RALGPS1: variants seen among roughly 807,000 people sequenced by gnomAD.
RALGPS1 encodes the protein Ral GEF with PH domain and SH3 binding motif 1.
RALGPS1 carries 19 observed loss-of-function variants against 78.8 expected under a neutral mutation model. That is an observed-to-expected ratio of 0.24 (90% confidence interval 0.17 to 0.35). RALGPS1 has a LOEUF of 0.35. Among genes scored for constraint, RALGPS1 ranks in the 10% least tolerant of loss-of-function variants. The probability of loss-of-function intolerance (pLI) is 1.00; values close to 1 mark genes in which losing one functional copy is unlikely to be tolerated. For synonymous variants in RALGPS1, 228 were observed against 256.3 expected (o/e 0.89, Z 1.06); for missense variants, 454 against 688.3 (o/e 0.66, Z 3.81).
intron 14 of RALGPS1, among the ~76,000 whole-genome samples, chr9:127,203,039 A>G (rs902420689): frequency 6.6e-6 from 1 of 152,244 alleles, no homozygotes; most frequent in Non-Finnish European, 1.5e-5. Flanking sequence ...GCAGTAATGG[A>G]TAACAGATGC....
intron 8 of RALGPS1, 111 bp downstream of exon 8, chr9:127,069,467 T>C: frequency 7.8e-7 from 1 of 1,282,482 alleles, no homozygotes; most frequent in Non-Finnish European, 1.1e-6. Flanking sequence ...GGCCCGTAGA[T>C]AAAGAGGCAA....
chr9:127,168,473 T>C (rs1370196805), intron 9 of RALGPS1, among the ~76,000 whole-genome samples: 1 of 152,144 alleles, frequency 6.6e-6, no homozygotes, highest in Non-Finnish European at 1.5e-5. Context: ...TGGGGGGTAC[T>C]CCTTGAGGGC....
intron 1 of RALGPS1, among the ~76,000 whole-genome samples, chr9:126,948,923 G>A (rs572290192): frequency 6.9e-4 from 105 of 151,694 alleles, no homozygotes; most frequent in Non-Finnish European, 1.3e-3. Context: ...CCATTAACTC[G>A]TCATTTAGCA....
intron 14 of RALGPS1, among the ~76,000 whole-genome samples, chr9:127,210,197 G>A (rs536233602): frequency 6.6e-5 from 10 of 152,210 alleles, no homozygotes; most frequent in Non-Finnish European, 1.3e-4. Flanking sequence ...AGTTTGCAGG[G>A]GCCTGGCTGG....
At chr9:126,934,170 G>A (rs1182444782) in intron 1 of RALGPS1, among the ~76,000 whole-genome samples, 1 of 151,220 alleles carries the variant, frequency 6.6e-6, no homozygotes, top group Non-Finnish European at 1.5e-5. Flanking sequence ...CGTGGGAAAA[G>A]TATTTTAACA....
intron 8 of RALGPS1, among the ~76,000 whole-genome samples, chr9:127,130,159 T>A (rs764098853): frequency 1.3e-5 from 2 of 152,232 alleles, no homozygotes; most frequent in African/African-American, 2.4e-5. Flanking sequence ...CCTCCACCCC[T>A]TATTAGCCCT....
intron 4 of RALGPS1, among the ~76,000 whole-genome samples, chr9:127,018,483 A>C (rs2045106114): frequency 6.6e-6 from 1 of 151,526 alleles, no homozygotes; most frequent in African/African-American, 2.4e-5. Flanking sequence ...AAAATGCAAA[A>C]ATTAGCTGAG....
At chr9:126,941,058 G>A (rs1307987178) in intron 1 of RALGPS1, among the ~76,000 whole-genome samples, 2 of 152,012 alleles carry the variant, frequency 1.3e-5, no homozygotes, top group African/African-American at 2.4e-5. Context: ...TTCTATATGT[G>A]TGTTCACATG....
chr9:126,915,831 G>GC (rs1022193375), intron 1 of RALGPS1, among the ~76,000 whole-genome samples: 11 of 136,536 alleles, frequency 8.1e-5, no homozygotes, highest in African/African-American at 2.7e-4. Flanking sequence ...AAATGTGTGT[G>GC]CTTGAAGAGT....
chr9:126,916,996 C>T (rs1175776170), intron 1 of RALGPS1, among the ~76,000 whole-genome samples: 4 of 152,130 alleles, frequency 2.6e-5, no homozygotes, highest in African/African-American at 9.7e-5. Context: ...CTCCTACCTT[C>T]GTTGCATGGA....
intron 4 of RALGPS1, among the ~76,000 whole-genome samples, chr9:127,030,318 A>G (rs749348897): frequency 3.9e-5 from 6 of 152,192 alleles, no homozygotes; most frequent in Non-Finnish European, 8.8e-5. Context: ...ACCTTGGACA[A>G]GTTGAGGTGG....
intron 1 of RALGPS1, among the ~76,000 whole-genome samples, chr9:126,915,735 T>C (rs1040246574): frequency 1.1e-4 from 16 of 146,236 alleles, no homozygotes; most frequent in Non-Finnish European, 1.5e-4. Context: ...TTTTCGCACC[T>C]CAGGGGCTTT....
chr9:127,199,744 A>G (rs1253490867), intron 14 of RALGPS1, among the ~76,000 whole-genome samples: 1 of 152,160 alleles, frequency 6.6e-6, no homozygotes, highest in African/African-American at 2.4e-5. Context: ...AAGGCAGGCA[A>G]TGCTGTGAAG....
rs1314207691 is a variant in RALGPS1, at chr9:127,221,101, C to T, written c.*2332C>T. The T allele has an allele frequency of 6.6e-6, 1 of 152,250 alleles. No individual in the cohort carries two copies. Among genetic ancestry groups the T allele is most frequent in the Non-Finnish European group, 1.5e-5 (1 of 68,050 alleles). The allele number at this position is 152,250 out of a possible 1,614,324, so 9.4% of individuals were successfully genotyped here. ...GAGGCTTGACCACGCCGGAAGAGTC[C>T]TGGAGCTAAAGCTGGAAGACACTCA... On this transcript the variant is annotated 3_prime_UTR_variant, in exon 19 of 19. Coordinates refer to ENST00000259351, the MANE Select transcript of RALGPS1 (RefSeq NM_014636.3).
intron 4 of RALGPS1, among the ~76,000 whole-genome samples, chr9:127,024,569 T>C (rs1310027270): frequency 6.6e-6 from 1 of 151,918 alleles, no homozygotes; most frequent in Non-Finnish European, 1.5e-5. Flanking sequence ...CAAACAACAC[T>C]TATTATTATG....
At chr9:127,071,446 C>G (rs1182129762) in intron 8 of RALGPS1, among the ~76,000 whole-genome samples, 3 of 152,112 alleles carry the variant, frequency 2.0e-5, no homozygotes, top group Non-Finnish European at 4.4e-5. Flanking sequence ...TAAAAAAAGA[C>G]ACACCTGATA....
chr9:126,971,786 A>G (rs1162194077), intron 3 of RALGPS1, among the ~76,000 whole-genome samples: 2 of 152,214 alleles, frequency 1.3e-5, no homozygotes, highest in African/African-American at 4.8e-5. Flanking sequence ...GGTAGAGGGT[A>G]TAGTTTGTAA....
chr9:127,007,816 G>A (rs2043979050), intron 4 of RALGPS1, among the ~76,000 whole-genome samples: 2 of 151,846 alleles, frequency 1.3e-5, no homozygotes, highest in Non-Finnish European at 2.9e-5. Context: ...TGGATCGTCC[G>A]CTGATAGCAG....
At chr9:127,130,898 C>T (rs2056960463) in intron 8 of RALGPS1, among the ~76,000 whole-genome samples, 1 of 152,188 alleles carries the variant, frequency 6.6e-6, no homozygotes, top group African/African-American at 2.4e-5. Context: ...TCTCCAGGCC[C>T]TGGGGACCAT....
Sources: allele counts gnomAD v4.1 joint callset (sites outside exome capture counted in the v4.1 genomes callset), GRCh38; gene constraint gnomAD v4.1.1; transcripts MANE v1.5; gene names NCBI Gene and HGNC (gene_info 2026-07-23, HGNC 2026-07-21).